AMT: variants seen among roughly 807,000 people sequenced by gnomAD.
AMT encodes aminomethyltransferase, mitochondrial.
Under a neutral mutation model 39.5 loss-of-function variants are expected in AMT, and 24 were observed. The ratio of observed to expected loss-of-function variants is 0.61; its 90% CI spans 0.44 to 0.86. The LOEUF (loss-of-function observed/expected upper bound fraction) is 0.86, where lower values mean the gene tolerates loss of function less well. Ranked by LOEUF, AMT falls within the 40% of genes least tolerant of loss-of-function variation. AMT has a pLI of 0.00. For synonymous variants in AMT, 210 were observed against 212.1 expected, an observed-to-expected ratio of 0.99 and a Z score of 0.09; for missense variants, 501 against 537.0, an observed-to-expected ratio of 0.93 and a Z score of 0.66.
rs981396315 is a variant in AMT at position 49,419,937 on chromosome 3, A to G, written c.472-149T>C. 4.7e-6 allele frequency: 4 copies of G among 859,202 alleles called. No homozygotes were observed. In the Admixed American group the frequency reaches 7.7e-5, roughly 17 times the overall value. The allele number at this position is 859,202 out of a possible 1,614,324, so 53.2% of individuals were successfully genotyped here. A position where few individuals can be genotyped will look rare whatever the true frequency, so the allele number is the denominator to read the frequency against. On this transcript the variant is annotated intron_variant, in intron 4 of 8. Transcript: ENST00000273588. ...GGTAGTAGGCTGGTTCCCATCTTAC[A>G]AGGTCACATAGCTACTAAGTGATAG...
chr3:49,417,192 C>T lies in AMT; in HGVS notation c.*348G>A, dbSNP rs765877581. 7.9e-6 allele frequency: 11 copies of T among 1,385,554 alleles called. No individual in the cohort carries two copies. Among genetic ancestry groups the T allele is most frequent in the Admixed American group, 7.5e-5 (4 of 53,616 alleles). The allele number at this position is 1,385,554 out of a possible 1,614,324, so 85.8% of individuals were successfully genotyped here. Reference sequence around the variant, plus strand: ...TGAGGTAGGTTGGGCAGGTTTTATCCTCTCCACAAAGGTGAGCCTTTGCTC... The same window carrying T: ...TGAGGTAGGTTGGGCAGGTTTTATCTTCTCCACAAAGGTGAGCCTTTGCTC... On this transcript the variant is annotated 3_prime_UTR_variant, in exon 9 of 9. Coordinates refer to ENST00000273588, the MANE Select transcript of AMT (RefSeq NM_000481.4).
In AMT at chr3:49,422,215, C is replaced by T. The variant is rs772835784; in HGVS notation, c.147G>A (p.Met49Ile). Residue 49 changes from methionine to isoleucine, a missense_variant, in exon 2 of 9, where the codon ATG (methionine) becomes ATA (isoleucine). By Grantham distance (10) the Met-to-Ile change is conservative. Transcript: ENST00000273588. The part of the protein sequence containing the change: ...YDFHLAHGGK[M>I]VAFAGWSLPV... Reference sequence around the variant, plus strand: ...GCAGACTCCAACCCGCAAACGCCACCATTTTCCCGCCGTGGGCCAGGTGGA... The same window carrying T: ...GCAGACTCCAACCCGCAAACGCCACTATTTTCCCGCCGTGGGCCAGGTGGA... The T allele has an allele frequency of 1.9e-6, 3 of 1,614,032 alleles. No homozygotes were observed. The highest frequency in any genetic ancestry group is 2.5e-6 in the Non-Finnish European group (3 of 1,180,006).
rs1484366102 is a variant in AMT, at chr3:49,417,724, A to G, written c.1034-6T>C. ...GCAGCCACTAGTCACAGTACCTGTC[A>G]AGCAAGCATAAGCCACGCATCAGCA... On this transcript the variant is annotated splice_polypyrimidine_tract_variant and splice_region_variant and intron_variant, in intron 8 of 8. Coordinates refer to ENST00000273588, the MANE Select transcript of AMT (RefSeq NM_000481.4). 6.2e-7 allele frequency: 1 copy of G among 1,613,946 alleles called. No individual in the cohort carries two copies. Among genetic ancestry groups the G allele is most frequent in the Admixed American group, 1.7e-5 (1 of 59,986 alleles).
rs768343793 is a variant in AMT at position 49,422,473 on chromosome 3, C to T, written c.-23G>A. 1.2e-5 allele frequency: 20 copies of T among 1,609,624 alleles called. No individual in the cohort carries two copies. Among genetic ancestry groups the T allele is most frequent in the South Asian group, 2.2e-5 (2 of 90,646 alleles). The stretch of plus-strand genomic sequence containing the variant: ...CATCGTCGCCTGCAACGAGTGCAGA[C>T]GGCGCACAGAGGCCACCACACTGCC... On this transcript the variant is annotated 5_prime_UTR_variant, in exon 1 of 9. Transcript: ENST00000273588.
rs2049064084 is a variant in AMT at position 49,419,573 on chromosome 3, G to A, written c.550+137C>T. ...GAGCCTTGTGGTAGGTAGGAGGAGG[G>A]CAAGATACAAAACTTAAAATTATGG... is the stretch of plus-strand genomic sequence containing the variant. On this transcript the variant is annotated intron_variant, in intron 5 of 8. Transcript: ENST00000273588. 1.4e-5 allele frequency: 20 copies of A among 1,432,820 alleles called. No individual in the cohort carries two copies. The South Asian group carries it at 1.5e-4, about 11-fold the overall frequency. The allele number at this position is 1,432,820 out of a possible 1,614,324, so 88.8% of individuals were successfully genotyped here.
chr3:49,418,824 G>A, intron 7 of AMT, 147 bp downstream of exon 7: 2 of 867,944 alleles, frequency 2.3e-6, no homozygotes, highest in Non-Finnish European at 3.8e-6. Context: ...AGTTTCTAAT[G>A]GGCAAAGGCA....
In AMT at chr3:49,422,287, C is replaced by T. The variant is rs1317777834; in HGVS notation, c.91-16G>A. 2 of 1,613,692 alleles carry T rather than the reference C, an allele frequency of 1.2e-6. No homozygotes were observed. Among genetic ancestry groups the T allele is most frequent in the African/African-American group, 1.3e-5 (1 of 74,936 alleles). On this transcript the variant is annotated splice_polypyrimidine_tract_variant and intron_variant, in intron 1 of 8. Coordinates refer to ENST00000273588, the MANE Select transcript of AMT (RefSeq NM_000481.4). ...GGAGCACCTCCTGTGGGCGGCTGGGCTTAGTGCCACCAGGGCCCTAGCCCC... is the reference window on the plus strand; with the variant it reads ...GGAGCACCTCCTGTGGGCGGCTGGGTTTAGTGCCACCAGGGCCCTAGCCCC...
intron 7 of AMT, chr3:49,418,427 C>T: frequency 4.5e-6 from 1 of 221,042 alleles, no homozygotes; most frequent in Non-Finnish European, 9.1e-6. Flanking sequence ...ATGATCCACC[C>T]ACCTTGGCCT....
Position 49,420,208 on chromosome 3 carries a change from T to A in AMT, c.471+3A>T. 1 of 1,614,136 alleles carries A rather than the reference T, an allele frequency of 6.2e-7. No individual in the cohort carries two copies. Among genetic ancestry groups the A allele is most frequent in the Non-Finnish European group, 8.5e-7 (1 of 1,179,988 alleles). On this transcript the variant is annotated splice_donor_region_variant and intron_variant, in intron 4 of 8. Coordinates refer to ENST00000273588, the MANE Select transcript of AMT (RefSeq NM_000481.4). Reference sequence around the variant, plus strand: ...AGGTGTCTAGAACACAGAGGGGGTATACCTGCATGAGGGCCAAATCTTTCT... The same window carrying A: ...AGGTGTCTAGAACACAGAGGGGGTAAACCTGCATGAGGGCCAAATCTTTCT...
At chr3:49,420,717 T>C (rs142696700) in intron 3 of AMT, 11 of 332,884 alleles carry the variant, frequency 3.3e-5, no homozygotes, top group Non-Finnish European at 6.5e-5. Context: ...AAAGGTCATC[T>C]TGATGATCGC....
intron 3 of AMT, chr3:49,420,565 C>G: frequency 3.4e-6 from 2 of 581,358 alleles, no homozygotes; most frequent in East Asian, 3.3e-5. Flanking sequence ...CTTCCCTGAT[C>G]TGGTGCAACC....
chr3:49,418,636 G>A (rs1189951722), intron 7 of AMT: 3 of 325,082 alleles, frequency 9.2e-6, no homozygotes, highest in Non-Finnish European at 1.8e-5. Context: ...CGAGTAGCTG[G>A]GACTACAGGC....
chr3:49,421,290 G>A (rs2049097818), intron 3 of AMT: 1 of 611,336 alleles, frequency 1.6e-6, no homozygotes, highest in Non-Finnish European at 2.9e-6. Flanking sequence ...TGGCCTCCTA[G>A]CCTGATGTAG....
Position 49,416,871 on chromosome 3 carries a change from G to A in AMT, c.*669C>T, listed in dbSNP as rs943183640. 8.8e-6 allele frequency: 4 copies of A among 456,872 alleles called. No individual in the cohort carries two copies. The highest frequency in any genetic ancestry group is 1.7e-5 in the Non-Finnish European group (4 of 228,880). The allele number at this position is 456,872 out of a possible 1,614,324, so 28.3% of individuals were successfully genotyped here. ...CAAAGATCAGCCCAGGGTAAGGCAA[G>A]TCTGGGAGGAAGCCCACCCTGCCCT... On this transcript the variant is annotated 3_prime_UTR_variant, in exon 9 of 9. Transcript: ENST00000273588.
At chr3:49,418,868 G>T (rs775522457) in intron 7 of AMT, 103 bp downstream of exon 7, 58 of 1,286,594 alleles carry the variant, frequency 4.5e-5, no homozygotes, top group Non-Finnish European at 6.1e-5. Context: ...GGCTCAGGAA[G>T]GCTTCAGGCT....
intron 3 of AMT, chr3:49,421,034 A>G (rs1174256745): frequency 1.9e-5 from 5 of 260,962 alleles, no homozygotes; most frequent in African/African-American, 8.9e-5. Flanking sequence ...CCTCCCGAGT[A>G]GCTGGGACTA....
At chr3:49,420,581 A>T (rs1462458774) in intron 3 of AMT, 1 of 535,554 alleles carries the variant, frequency 1.9e-6, no homozygotes, top group Non-Finnish European at 3.4e-6. Flanking sequence ...CAACCTCTGC[A>T]CCCCTCCCCA....
chr3:49,419,566 G>C, intron 5 of AMT, 144 bp downstream of exon 5: 3 of 1,439,856 alleles, frequency 2.1e-6, no homozygotes, highest in Non-Finnish European at 2.9e-6. Flanking sequence ...TGGTAGGTAG[G>C]AGGAGGGCAA....
At chr3:49,420,805 G>T in intron 3 of AMT, 1 of 225,228 alleles carries the variant, frequency 4.4e-6, no homozygotes, top group Non-Finnish European at 9.0e-6. Flanking sequence ...AAAAGCCTGA[G>T]GTTGAGGGGG....
Sources: gnomAD v4.1 joint callset for allele counts on GRCh38, gnomAD v4.1.1 for gene constraint, MANE v1.5 for transcripts, NCBI Gene and HGNC (gene_info 2026-07-23, HGNC 2026-07-21) for gene names.